CCNY: variants seen among roughly 807,000 people sequenced by gnomAD.
The protein encoded by CCNY is cyclin-Y.
In CCNY, 19 loss-of-function variants were observed where a neutral mutation model predicts 42.8. The observed-to-expected ratio is 0.44, with a 90% CI of 0.31 to 0.65. The LOEUF is 0.65. Among genes scored for constraint, CCNY ranks in the 30% least tolerant of loss-of-function variants. CCNY has a pLI of 0.07. For missense variants in CCNY, 370 were observed against 437.3 expected (o/e 0.85, Z 1.37); for synonymous variants, 165 against 162.7 (o/e 1.01, Z -0.11).
intron 1 of CCNY, among the ~76,000 whole-genome samples, chr10:35,389,439 CTTTT>C (rs1365155125): frequency 3.3e-5 from 4 of 120,554 alleles, no homozygotes; most frequent in Admixed American, 8.5e-5. Context: ...GAAAACTGTG[CTTTT>C]TTTTTTTTTT....
chr10:35,292,177 A>C (rs1835421102), intron 3 of CCNY, among the ~76,000 whole-genome samples: 1 of 151,838 alleles, frequency 6.6e-6, no homozygotes, highest in Admixed American at 6.6e-5. Context: ...GAAATTCAAA[A>C]TTTTTGCCCA....
chr10:35,269,729 A>C (rs903521359), intron 3 of CCNY, among the ~76,000 whole-genome samples: 6 of 150,792 alleles, frequency 4.0e-5, no homozygotes, highest in Non-Finnish European at 8.8e-5. Flanking sequence ...CCTGGGGTTC[A>C]AGCGATTCTC....
chr10:35,481,018 A>G (rs1487011575), intron 1 of CCNY, among the ~76,000 whole-genome samples: 1 of 152,180 alleles, frequency 6.6e-6, no homozygotes, highest in Non-Finnish European at 1.5e-5. Context: ...AAACTCAGAA[A>G]ACAATCACAT....
intron 1 of CCNY, among the ~76,000 whole-genome samples, chr10:35,461,660 CT>C (rs1839160642): frequency 6.6e-6 from 1 of 152,160 alleles, no homozygotes; most frequent in Non-Finnish European, 1.5e-5. Context: ...TCTTGGGGAT[CT>C]TTTTCAGAAT....
rs1172548363 is a variant in CCNY, at chr10:35,449,781, C to T, written c.155-33623C>T. On this transcript the variant is annotated intron_variant, in intron 1 of 9. Coordinates refer to ENST00000374704, the MANE Select transcript of CCNY (RefSeq NM_145012.6). ...GAGGCAAGAAGGCTGCAGTGCTTCT[C>T]CTGGCCTCTGTCTTCTCAGCTGAAC... 13 of 985,212 alleles carry T rather than the reference C, an allele frequency of 1.3e-5. 1 individual carries two copies. The South Asian group carries it at 6.1e-4, about 46-fold the overall frequency. The allele number at this position is 985,212 out of a possible 1,614,324, so 61.0% of individuals were successfully genotyped here.
intron 3 of CCNY, among the ~76,000 whole-genome samples, chr10:35,258,455 G>A (rs1282829265): frequency 6.6e-6 from 1 of 152,192 alleles, no homozygotes; most frequent in Non-Finnish European, 1.5e-5. Context: ...GGGGAAGAGT[G>A]CTGGCCCTTC....
rs142144959 is a variant in CCNY at position 35,373,262 on chromosome 10, C to T, written c.154+36055C>T. Among the ~76,000 whole-genome samples the T allele has an allele frequency of 2.0e-5, 3 of 152,202 alleles. No individual in the cohort carries two copies. In the East Asian group the frequency reaches 5.8e-4, roughly 29 times the overall value. On this transcript the variant is annotated intron_variant, in intron 1 of 9. Coordinates refer to ENST00000374704, the MANE Select transcript of CCNY (RefSeq NM_145012.6). ...GGATAATGAAACCTACTTCTTAGGGCTGTTAGGAGAATAAATGAGACAAAG... is the reference window on the plus strand; with the variant it reads ...GGATAATGAAACCTACTTCTTAGGGTTGTTAGGAGAATAAATGAGACAAAG...
chr10:35,300,976 T>A (rs1835526230), intron 3 of CCNY, among the ~76,000 whole-genome samples: 1 of 152,018 alleles, frequency 6.6e-6, no homozygotes, highest in Non-Finnish European at 1.5e-5. Flanking sequence ...GGCTAATTTG[T>A]TTTATATTTT....
intron 3 of CCNY, among the ~76,000 whole-genome samples, chr10:35,259,408 G>A (rs537857219): frequency 1.3e-5 from 2 of 150,170 alleles, no homozygotes; most frequent in South Asian, 4.2e-4. Context: ...ATCTCACTAT[G>A]TTGCCCAAGC....
intron 3 of CCNY, 67 bp downstream of exon 3, chr10:35,501,602 C>G: frequency 2.2e-6 from 3 of 1,342,158 alleles, no homozygotes; most frequent in Non-Finnish European, 3.2e-6. Flanking sequence ...AAATAACTGT[C>G]TGTGATGGAT....
At chr10:35,356,285 T>A (rs899042087) in intron 1 of CCNY, among the ~76,000 whole-genome samples, 1 of 152,246 alleles carries the variant, frequency 6.6e-6, no homozygotes, top group Admixed American at 6.5e-5. Flanking sequence ...ATCTGAGCAG[T>A]ACAGCAGTAG....
intron 3 of CCNY, among the ~76,000 whole-genome samples, chr10:35,286,289 T>C (rs1276640134): frequency 6.6e-6 from 1 of 152,164 alleles, no homozygotes; most frequent in Non-Finnish European, 1.5e-5. Context: ...TTTTATTTAT[T>C]TAGTGGTAAC....
intron 1 of CCNY, among the ~76,000 whole-genome samples, chr10:35,406,184 T>TC (rs1342049228): frequency 6.8e-6 from 1 of 147,072 alleles, no homozygotes; most frequent in Non-Finnish European, 1.5e-5. Flanking sequence ...GCTTTTTCTT[T>TC]TTTTTTTTCT....
At chr10:35,554,608 C>T (rs577456803) in intron 8 of CCNY, among the ~76,000 whole-genome samples, 3 of 152,214 alleles carry the variant, frequency 2.0e-5, no homozygotes, top group South Asian at 2.1e-4. Flanking sequence ...CTGAACAGCA[C>T]GTCACATGAT....
chr10:35,395,303 G>C (rs1024649036), intron 1 of CCNY, among the ~76,000 whole-genome samples: 19 of 152,298 alleles, frequency 1.2e-4, no homozygotes, highest in Non-Finnish European at 1.9e-4. Context: ...GGTGAAAACA[G>C]TTTTACTCAG....
chr10:35,422,586 T>C lies in CCNY; in HGVS notation c.155-60818T>C, dbSNP rs1049521089. On this transcript the variant is annotated intron_variant, in intron 1 of 9. Transcript: ENST00000374704. The stretch of plus-strand genomic sequence containing the variant: ...TAATTTAAAAAGTTGAAAGCTGTTA[T>C]AGACTTTCAAGATATGTTGTTTTAT... Among the ~76,000 whole-genome samples the C allele has an allele frequency of 3.9e-5, 6 of 152,370 alleles. No individual in the cohort carries two copies. The East Asian group carries it at 9.6e-4, about 24-fold the overall frequency.
chr10:35,454,311 A>G (rs1838983140), intron 1 of CCNY, among the ~76,000 whole-genome samples: 2 of 152,222 alleles, frequency 1.3e-5, no homozygotes, highest in African/African-American at 4.8e-5. Context: ...TGGAAGACGC[A>G]AAGGCATCCA....
chr10:35,430,822 T>G (rs1413464447), intron 1 of CCNY, among the ~76,000 whole-genome samples: 1 of 152,108 alleles, frequency 6.6e-6, no homozygotes, highest in African/African-American at 2.4e-5. Context: ...TTAAAAAAAT[T>G]TAATACGGCT....
intron 1 of CCNY, among the ~76,000 whole-genome samples, chr10:35,380,726 C>T (rs1417382009): frequency 6.6e-6 from 1 of 152,134 alleles, no homozygotes; most frequent in Non-Finnish European, 1.5e-5. Context: ...GATTAAGAAC[C>T]TTGCCTGGGG....
Sources: allele counts gnomAD v4.1 joint callset (sites outside exome capture counted in the v4.1 genomes callset), GRCh38; gene constraint gnomAD v4.1.1; transcripts MANE v1.5; gene names NCBI Gene and HGNC (gene_info 2026-07-23, HGNC 2026-07-21).